Variants in PLD1 observed in about 807,000 individuals in gnomAD.
PLD1 encodes the protein phospholipase D1, also known as choline phosphatase 1.
In PLD1, 112 loss-of-function variants were observed where a neutral mutation model predicts 137.1. That is an observed-to-expected ratio of 0.82 (90% CI 0.70 to 0.96). The LOEUF (loss-of-function observed/expected upper bound fraction) is 0.96. Among genes scored for constraint, PLD1 ranks in the 40% least tolerant of loss-of-function variants. The pLI is 0.00. For synonymous variants in PLD1, 431 were observed against 454.7 expected, an observed-to-expected ratio of 0.95 and a Z score of 0.66; for missense variants, 1,321 against 1,342.0, an observed-to-expected ratio of 0.98 and a Z score of 0.24.
chr3:171,602,093 T>C lies in PLD1; in HGVS notation c.*985A>G, dbSNP rs1424925940. ...AGGAGTTACGATGCCTCTGATTCTC[T>C]TGAAAGACAAACTGTATTCACTAGT... On this transcript the variant is annotated 3_prime_UTR_variant, in exon 27 of 27. Transcript: ENST00000351298. 6.6e-6 allele frequency: 1 copy of C among 152,230 alleles called. No individual in the cohort carries two copies. Among genetic ancestry groups the C allele is most frequent in the Admixed American group, 6.5e-5 (1 of 15,282 alleles). 9.4% of individuals were successfully genotyped at this position (152,230 alleles called of 1,614,324 possible).
chr3:171,706,122 C>CTATCT lies in PLD1; in HGVS notation c.1145+2632_1145+2633insAGATA, dbSNP rs757204117. Among the ~76,000 whole-genome samples, 1,219 of 144,116 alleles carry CTATCT rather than the reference C, an allele frequency of 8.5e-3. 12 individuals are homozygous for CTATCT. Among genetic ancestry groups the CTATCT allele is most frequent in the East Asian group, 0.037 (174 of 4,718 alleles). 94.5% of individuals were successfully genotyped at this position (144,116 alleles called of 152,430 possible). ...ACACCCAAACCAACACCGGGTCAGT[C>CTATCT]AGTCTATCTATCTATCTATCTATCT... On this transcript the variant is annotated intron_variant, in intron 11 of 26. Transcript: ENST00000351298.
chr3:171,802,370 G>T (rs1723682263), intron 1 of PLD1, among the ~76,000 whole-genome samples: 1 of 152,164 alleles, frequency 6.6e-6, no homozygotes, highest in African/African-American at 2.4e-5. Flanking sequence ...AATGCAATGT[G>T]GACTGTGAAG....
At chr3:171,775,542 CT>C (rs937029639) in intron 1 of PLD1, among the ~76,000 whole-genome samples, 1 of 152,034 alleles carries the variant, frequency 6.6e-6, no homozygotes, top group African/African-American at 2.4e-5. Context: ...TAAAGAACAT[CT>C]GATTTAAAGA....
chr3:171,761,010 C>T (rs538037532), intron 1 of PLD1, among the ~76,000 whole-genome samples: 1 of 152,300 alleles, frequency 6.6e-6, no homozygotes, highest in African/African-American at 2.4e-5. Context: ...GGGACATACA[C>T]AGAGTTGTTC....
Position 171,682,150 on chromosome 3 carries a change from AAGAAAGAAAGAAAGAAAAAG to A in PLD1, c.1868-4476_1868-4457del, listed in dbSNP as rs1371501554. 6.1e-3 allele frequency among the ~76,000 whole-genome samples: 469 copies of A among 76,528 alleles called. 1 individual carries two copies. Among genetic ancestry groups the A allele is most frequent in the African/African-American group, 0.03 (455 of 15,402 alleles). 50.2% of individuals were successfully genotyped at this position (76,528 alleles called of 152,430 possible). On this transcript the variant is annotated intron_variant, in intron 16 of 26. Transcript: ENST00000351298. ...AAAGAAAGAAAGAAAGAAAGAAAGA[AAGAAAGAAAGAAAGAAAAAG>A]AAAGAAAGAAAGAAAGAAAGGGAAT...
At chr3:171,709,120 G>T (rs1055966644) in intron 10 of PLD1, among the ~76,000 whole-genome samples, 1 of 152,170 alleles carries the variant, frequency 6.6e-6, no homozygotes, top group Admixed American at 6.5e-5. Flanking sequence ...TTCCTATCCT[G>T]TTGAACTTAC....
At chr3:171,670,320 A>T (rs1214442164) in intron 19 of PLD1, among the ~76,000 whole-genome samples, 6 of 152,356 alleles carry the variant, frequency 3.9e-5, no homozygotes, top group Non-Finnish European at 8.8e-5. Flanking sequence ...AAGACTTGAG[A>T]TCATGACACT....
At chr3:171,673,839 G>A (rs1276287620) in intron 19 of PLD1, among the ~76,000 whole-genome samples, 1 of 152,146 alleles carries the variant, frequency 6.6e-6, no homozygotes, top group Non-Finnish European at 1.5e-5. Context: ...AATGCCAAAG[G>A]TGGCCCATCC....
chr3:171,729,516 T>G (rs539474214), intron 6 of PLD1, among the ~76,000 whole-genome samples: 1 of 152,286 alleles, frequency 6.6e-6, no homozygotes, highest in South Asian at 2.1e-4. Flanking sequence ...GAGGCTCCTT[T>G]TATTTACCAG....
chr3:171,793,886 A>C (rs1273050926), intron 1 of PLD1: 1 of 152,254 alleles, frequency 6.6e-6, no homozygotes, highest in East Asian at 1.9e-4. Flanking sequence ...GCTCACGCCT[A>C]TAATCGCAGC....
At chr3:171,640,033 T>A (rs1269856461) in intron 23 of PLD1, among the ~76,000 whole-genome samples, 2 of 151,720 alleles carry the variant, frequency 1.3e-5, no homozygotes, top group Non-Finnish European at 2.9e-5. Flanking sequence ...TTTCTGATTT[T>A]GGTACTTTGA....
chr3:171,735,379 T>A, intron 4 of PLD1, 113 bp downstream of exon 4: 3 of 852,646 alleles, frequency 3.5e-6, no homozygotes, highest in Non-Finnish European at 3.9e-6. Flanking sequence ...CAACTGATCC[T>A]CCTGCCTCAG....
intron 1 of PLD1, among the ~76,000 whole-genome samples, chr3:171,774,740 G>A (rs933810446): frequency 1.3e-5 from 2 of 152,194 alleles, no homozygotes; most frequent in African/African-American, 2.4e-5. Context: ...AAGCCAGCTC[G>A]GGGCTGGAGC....
In PLD1 at chr3:171,753,170, G is replaced by T. The variant is rs1720780498; in HGVS notation, c.-31-15088C>A. On this transcript the variant is annotated intron_variant, in intron 1 of 26. Transcript: ENST00000351298. ...GCTGCAGCCAGACTCTGCTCAGTGG[G>T]TGTGGACAGGCTGCCAGCCTCACTG... Among the ~76,000 whole-genome samples, 3 of 152,208 alleles carry T rather than the reference G, an allele frequency of 2.0e-5. No homozygotes were observed. In the South Asian group the frequency reaches 6.2e-4, roughly 31 times the overall value.
At chr3:171,674,941 T>G (rs1713184942) in intron 18 of PLD1, among the ~76,000 whole-genome samples, 1 of 130,026 alleles carries the variant, frequency 7.7e-6, no homozygotes, top group Non-Finnish European at 1.5e-5. Context: ...ATTTCATCAT[T>G]GCACTACAGC....
intron 23 of PLD1, among the ~76,000 whole-genome samples, chr3:171,633,581 C>G (rs779323951): frequency 1.3e-5 from 2 of 151,960 alleles, no homozygotes; most frequent in African/African-American, 2.4e-5. Context: ...CATGTGTATA[C>G]CTATGTAACA....
In PLD1 at chr3:171,734,933, G is replaced by A. The variant is rs751346031; in HGVS notation, c.472C>T (p.Arg158Ter). Reference protein sequence around the residue: ...FRRQNVREEPREMPSLPRSSE... With the variant: ...FRRQNVREEP ...GAACGGGGCAAACTGGGCATCTCTC[G>A]AGGCTCCTCTCTGACGTTTTGCCTC... The change falls in exon 5 of 27, where the codon CGA (arginine) becomes TGA (stop). Residue 158 changes from arginine to a stop codon, truncating the protein, a stop_gained. Transcript: ENST00000351298. LOFTEE classifies it high-confidence loss of function. 12 of 1,613,016 alleles carry A rather than the reference G, an allele frequency of 7.4e-6. No individual in the cohort carries two copies. Among genetic ancestry groups the A allele is most frequent in the East Asian group, 4.5e-5 (2 of 44,866 alleles).
At chr3:171,746,046 T>G (rs1578401176) in intron 1 of PLD1, among the ~76,000 whole-genome samples, 1 of 152,022 alleles carries the variant, frequency 6.6e-6, no homozygotes, top group African/African-American at 2.4e-5. Flanking sequence ...TTGCGGAGGG[T>G]ACGCCGGGTC....
intron 25 of PLD1, among the ~76,000 whole-genome samples, chr3:171,608,710 A>T (rs1403512973): frequency 6.6e-6 from 1 of 152,174 alleles, no homozygotes; most frequent in East Asian, 1.9e-4. Context: ...TCATCTGGTT[A>T]GTTGAGAAAA....
Sources: gnomAD v4.1 joint callset for allele counts (sites outside exome capture counted in the v4.1 genomes callset) on GRCh38, gnomAD v4.1.1 for gene constraint, MANE v1.5 for transcripts, NCBI Gene and HGNC (gene_info 2026-07-23, HGNC 2026-07-21) for gene names.